TET2: variants seen among roughly 807,000 people sequenced by gnomAD.
The protein encoded by TET2 is methylcytosine dioxygenase TET2.
TET2 carries 299 observed loss-of-function variants against 142.9 expected under a neutral mutation model. That is an observed-to-expected ratio of 2.09 (90% CI 1.90 to 2.30). The LOEUF is 2.30. TET2 is among the 30% of genes most tolerant of loss of function. The pLI is 0.00. For missense variants in TET2, 2,418 were observed against 2,378.0 expected (o/e 1.02, Z -0.35); for synonymous variants, 819 against 849.0 (o/e 0.96, Z 0.61).
intron 6 of TET2, among the ~76,000 whole-genome samples, chr4:105,246,583 G>C (rs1201397514): frequency 1.3e-5 from 2 of 152,202 alleles, no homozygotes; most frequent in Admixed American, 1.3e-4. Context: ...GATTAAAATA[G>C]ACACGTATCC....
chr4:105,261,268 T>C (rs1274846381), intron 7 of TET2, among the ~76,000 whole-genome samples: 2 of 152,144 alleles, frequency 1.3e-5, no homozygotes, highest in African/African-American at 4.8e-5. Context: ...TCCTGCATTC[T>C]AGTTCTGAAG....
At chr4:105,188,005 G>A (rs1667910540) in intron 1 of TET2, among the ~76,000 whole-genome samples, 1 of 152,180 alleles carries the variant, frequency 6.6e-6, no homozygotes, top group African/African-American at 2.4e-5. Context: ...CGCTCTTAGG[G>A]ATTCCACTCT....
In TET2 at chr4:105,236,637, TATAA is replaced by T; in HGVS notation, c.2697_2700del (p.Tyr899Ter). On this transcript the variant is annotated frameshift_variant, in exon 3 of 11. Transcript: ENST00000380013. LOFTEE classifies it high-confidence loss of function. ...ACAACAAGCTTCAGTTCTACAGGGA[TATAA>T]AAATAGAAACCAAGATATGTCTGGT... 6.2e-7 allele frequency: 1 copy of T among 1,614,004 alleles called. No homozygotes were observed. The highest frequency in any genetic ancestry group is 8.5e-7 in the Non-Finnish European group (1 of 1,179,986).
At chr4:105,172,520 T>C (rs1724531872) in intron 1 of TET2, 2 of 152,200 alleles carry the variant, frequency 1.3e-5, no homozygotes, top group Admixed American at 6.5e-5. Context: ...GGTCTTGCTG[T>C]TCCAGGGGTG....
Position 105,275,548 on chromosome 4 carries a change from C to A in TET2, c.5038C>A (p.Gln1680Lys). 1 of 1,551,700 alleles carries A rather than the reference C, an allele frequency of 6.4e-7. No homozygotes were observed. Among genetic ancestry groups the A allele is most frequent in the Non-Finnish European group, 8.7e-7 (1 of 1,146,974 alleles). ...LSLPPIHTLY[Q>K]PRFGNSQSFT... Reference sequence around the variant, plus strand: ...TCTACCACCCATCCATACACTTTACCAGCCAAGGTTTGGAAATAGCCAGAG... The same window carrying A: ...TCTACCACCCATCCATACACTTTACAAGCCAAGGTTTGGAAATAGCCAGAG... The change falls in exon 11 of 11, where the codon CAG becomes AAG. Residue 1680 changes from glutamine to lysine, a missense_variant. By Grantham distance (53) the Gln-to-Lys change is moderately conservative. Transcript: ENST00000380013.
chr4:105,235,570 G>T lies in TET2; in HGVS notation c.1628G>T (p.Gly543Val). Reference protein sequence around the residue: ...MRNKEQEILKGRDKEQTRDLV... With the variant: ...MRNKEQEILKVRDKEQTRDLV... The stretch of plus-strand genomic sequence containing the variant: ...AACAAAGAGCAAGAGATTCTGAAGG[G>T]TCGAGACAAGGAGCAAACACGAGAT... The change falls in exon 3 of 11, where the codon GGT becomes GTT. Residue 543 changes from glycine to valine, a missense_variant. Transcript: ENST00000380013. The T allele has an allele frequency of 6.2e-7, 1 of 1,614,162 alleles. No homozygotes were observed. Among genetic ancestry groups the T allele is most frequent in the Non-Finnish European group, 8.5e-7 (1 of 1,180,020 alleles).
chr4:105,231,485 G>A (rs1178728571), intron 2 of TET2, among the ~76,000 whole-genome samples: 1 of 152,048 alleles, frequency 6.6e-6, no homozygotes, highest in African/African-American at 2.4e-5. Context: ...CTGACTGGTT[G>A]ATGCTCTTAT....
intron 6 of TET2, among the ~76,000 whole-genome samples, chr4:105,254,841 G>A (rs1372130289): frequency 6.6e-6 from 1 of 152,162 alleles, no homozygotes; most frequent in Non-Finnish European, 1.5e-5. Flanking sequence ...TCTGGCTCCT[G>A]AATGTAGAAA....
intron 1 of TET2, among the ~76,000 whole-genome samples, chr4:105,173,739 A>G (rs1724616177): frequency 6.6e-6 from 1 of 152,214 alleles, no homozygotes; most frequent in African/African-American, 2.4e-5. Context: ...CATTTATTCA[A>G]ATATTTATTA....
chr4:105,249,409 T>C (rs1266320868), intron 6 of TET2, among the ~76,000 whole-genome samples: 1 of 152,212 alleles, frequency 6.6e-6, no homozygotes, highest in Admixed American at 6.5e-5. Context: ...GCAATGAACA[T>C]CGGTGTACAA....
At chr4:105,148,710 T>C (rs1205065082) in intron 1 of TET2, among the ~76,000 whole-genome samples, 2 of 152,220 alleles carry the variant, frequency 1.3e-5, no homozygotes, top group African/African-American at 4.8e-5. Context: ...GAATAGAATA[T>C]AAATTTAAAC....
chr4:105,183,050 A>G (rs1725214129), intron 1 of TET2, among the ~76,000 whole-genome samples: 1 of 152,196 alleles, frequency 6.6e-6, no homozygotes, highest in East Asian at 1.9e-4. Context: ...AAATAAAATC[A>G]TTTTTAAAAT....
chr4:105,264,201 ATATC>A (rs1218544418), intron 8 of TET2, among the ~76,000 whole-genome samples: 1 of 152,046 alleles, frequency 6.6e-6, no homozygotes, highest in Non-Finnish European at 1.5e-5. Context: ...ATGTGTATGA[ATATC>A]TATGAAAAGT....
chr4:105,159,736 T>G (rs1369486310), intron 1 of TET2, among the ~76,000 whole-genome samples: 1 of 152,174 alleles, frequency 6.6e-6, no homozygotes, highest in African/African-American at 2.4e-5. Flanking sequence ...AAATTACATC[T>G]TGGCCAGGAT....
Position 105,204,234 on chromosome 4 carries a change from TAC to T in TET2, c.-47+13763_-47+13764del, listed in dbSNP as rs763239434. 3.1e-3 allele frequency among the ~76,000 whole-genome samples: 390 copies of T among 125,950 alleles called. 4 individuals carry two copies. Among genetic ancestry groups the T allele is most frequent in the East Asian group, 0.018 (80 of 4,472 alleles). The allele number at this position is 125,950 out of a possible 152,430, so 82.6% of individuals were successfully genotyped here. A position where few individuals can be genotyped will look rare whatever the true frequency, so the allele number is the denominator to read the frequency against. On this transcript the variant is annotated intron_variant, in intron 2 of 10. Transcript: ENST00000380013. Reference sequence around the variant, plus strand: ...ACAAACCAAAAAAAAAAAAAATATATACACACACACACACACACACACACACA... The same window carrying T: ...ACAAACCAAAAAAAAAAAAAATATATACACACACACACACACACACACACA...
intron 7 of TET2, among the ~76,000 whole-genome samples, chr4:105,260,694 A>G (rs1730381227): frequency 6.6e-6 from 1 of 152,174 alleles, no homozygotes. Context: ...GCTTTCACTT[A>G]CTATTATAGT....
chr4:105,189,300 G>A (rs1470872940), intron 1 of TET2, among the ~76,000 whole-genome samples: 2 of 152,108 alleles, frequency 1.3e-5, no homozygotes, highest in Non-Finnish European at 2.9e-5. Flanking sequence ...CAAGAACCCC[G>A]GGAACCTGAG....
intron 2 of TET2, among the ~76,000 whole-genome samples, chr4:105,211,277 C>G (rs897778852): frequency 6.6e-6 from 1 of 152,190 alleles, no homozygotes; most frequent in Non-Finnish European, 1.5e-5. Context: ...TTTATCTCAT[C>G]ACTCAGATTT....
rs903593725 is a variant in TET2 at position 105,243,685 on chromosome 4, C to T, written c.3710C>T (p.Pro1237Leu). ...VILILVWEGI[P>L]LSLADKLYSE... is the part of the protein sequence containing the mutation. ...CTCATCCTGGTGTGGGAAGGAATCC[C>T]GCTGTCTCTGGCTGACAAACTCTAC... The change falls in exon 6 of 11, where the codon CCG becomes CTG. Residue 1237 changes from proline to leucine, a missense_variant. Coordinates refer to ENST00000380013, the MANE Select transcript of TET2 (RefSeq NM_001127208.3). 2 of 1,551,528 alleles carry T rather than the reference C, an allele frequency of 1.3e-6. No individual in the cohort carries two copies. Among genetic ancestry groups the T allele is most frequent in the Non-Finnish European group, 1.7e-6 (2 of 1,146,944 alleles).
Sources: allele counts gnomAD v4.1 joint callset (sites outside exome capture counted in the v4.1 genomes callset), GRCh38; gene constraint gnomAD v4.1.1; transcripts MANE v1.5; gene names NCBI Gene and HGNC (gene_info 2026-07-23, HGNC 2026-07-21).